The following NELL1 variants were observed in gnomAD, a reference collection of about 807,000 sequenced individuals.
NELL1 encodes protein kinase C-binding protein NELL1.
NELL1 carries 76 observed loss-of-function variants against 107.4 expected under a neutral mutation model. The ratio of observed to expected loss-of-function variants is 0.71; its 90% confidence interval spans 0.59 to 0.86. The LOEUF (loss-of-function observed/expected upper bound fraction) is 0.86. Ranked by LOEUF, NELL1 falls within the 40% of genes least tolerant of loss-of-function variation. The pLI is 0.00. For synonymous variants in NELL1, 353 were observed against 341.2 expected (o/e 1.03, Z -0.38); for missense variants, 1,024 against 1,005.5 (o/e 1.02, Z -0.25).
chr11:21,347,823 G>A (rs1273205054), intron 14 of NELL1, among the ~76,000 whole-genome samples: 1 of 152,178 alleles, frequency 6.6e-6, no homozygotes, highest in Non-Finnish European at 1.5e-5. Flanking sequence ...AGTCCTGGGA[G>A]CCAGTGGAAG....
chr11:21,520,958 C>T (rs1395407410), intron 15 of NELL1, among the ~76,000 whole-genome samples: 1 of 152,186 alleles, frequency 6.6e-6, no homozygotes, highest in East Asian at 1.9e-4. Flanking sequence ...ATATTTCTTT[C>T]AGTTCAATAG....
intron 12 of NELL1, among the ~76,000 whole-genome samples, chr11:21,025,801 TAACATGTCCCAA>T (rs1852801814): frequency 6.6e-6 from 1 of 152,162 alleles, no homozygotes; most frequent in African/African-American, 2.4e-5. Flanking sequence ...ATGCAAAATT[TAACATGTCCCAA>T]AATGAGCTCC....
chr11:21,266,645 G>T (rs549365607), intron 14 of NELL1, among the ~76,000 whole-genome samples: 1 of 151,904 alleles, frequency 6.6e-6, no homozygotes, highest in Non-Finnish European at 1.5e-5. Flanking sequence ...TCTTTTGACA[G>T]TTTAAATATT....
At chr11:20,680,873 G>A (rs1439996039) in intron 2 of NELL1, among the ~76,000 whole-genome samples, 2 of 152,024 alleles carry the variant, frequency 1.3e-5, no homozygotes, top group African/African-American at 4.8e-5. Flanking sequence ...AAATTGGCAG[G>A]GTTTCTGTTG....
At chr11:20,949,980 T>C (rs1423090605) in intron 11 of NELL1, among the ~76,000 whole-genome samples, 2 of 152,218 alleles carry the variant, frequency 1.3e-5, no homozygotes, top group African/African-American at 4.8e-5. Context: ...AGTTATTTTA[T>C]GCTCTTTGAC....
chr11:20,773,470 T>C (rs4922627), intron 2 of NELL1: 137,008 of 152,020 alleles, frequency 0.9, 63,519 homozygotes, highest in East Asian at 1. Context: ...GGTTATATAC[T>C]TGATAAGATG....
At chr11:21,230,844 A>G (rs1007193921) in intron 14 of NELL1, among the ~76,000 whole-genome samples, 1 of 152,274 alleles carries the variant, frequency 6.6e-6, no homozygotes, top group Non-Finnish European at 1.5e-5. Context: ...GACAAAATTT[A>G]TCAACATTCA....
Position 20,947,358 on chromosome 11 carries a change from C to G in NELL1, c.1094C>G (p.Thr365Arg), listed in dbSNP as rs1313444638. ...CAGGGTGGAGTTTTAGTAAAAATTA[C>G]AGAAATGTGTCCTCCTTTGAACTGC... Reference protein sequence around the residue: ...ECRGGVLVKITEMCPPLNCSE... With the variant: ...ECRGGVLVKIREMCPPLNCSE... Residue 365 changes from threonine (T) to arginine (R), a missense_variant, in exon 11 of 20, where the codon ACA (threonine) becomes AGA (arginine). By Grantham distance (71) the Thr-to-Arg change is moderately conservative. Coordinates refer to ENST00000357134, the MANE Select transcript of NELL1 (RefSeq NM_006157.5). 2 of 1,613,734 alleles carry G rather than the reference C, an allele frequency of 1.2e-6. No individual in the cohort carries two copies. Among genetic ancestry groups the G allele is most frequent in the Non-Finnish European group, 1.7e-6 (2 of 1,179,842 alleles).
chr11:21,485,939 C>G (rs1854619936), intron 15 of NELL1, among the ~76,000 whole-genome samples: 1 of 152,112 alleles, frequency 6.6e-6, no homozygotes, highest in African/African-American at 2.4e-5. Context: ...ACTGCCACAG[C>G]TAGTACCTAC....
intron 14 of NELL1, among the ~76,000 whole-genome samples, chr11:21,327,593 T>A (rs1850174843): frequency 6.6e-6 from 1 of 152,102 alleles, no homozygotes; most frequent in Non-Finnish European, 1.5e-5. Context: ...TACTGTGTAG[T>A]GGGGCACCAC....
chr11:20,797,544 C>T (rs1208243081), intron 3 of NELL1, among the ~76,000 whole-genome samples: 3 of 118,820 alleles, frequency 2.5e-5, no homozygotes, highest in African/African-American at 3.2e-5. Context: ...CCAGCCTGGG[C>T]GACAGAGCGA....
chr11:21,349,576 T>G (rs922643090), intron 14 of NELL1, among the ~76,000 whole-genome samples: 1 of 152,124 alleles, frequency 6.6e-6, no homozygotes, highest in African/African-American at 2.4e-5. Context: ...CAGAACTCAG[T>G]CTATTGTGTT....
rs1853199995 is a variant in NELL1, at chr11:21,040,360, A to G, written c.1301-73229A>G. 2.0e-5 allele frequency among the ~76,000 whole-genome samples: 3 copies of G among 152,152 alleles called. No homozygotes were observed. In the South Asian group the frequency reaches 6.2e-4, roughly 32 times the overall value. ...CTATTATATGTATGAGTTGATAAAC[A>G]TCTTTTTACTCATCTTTGTTTACAT... On this transcript the variant is annotated intron_variant, in intron 12 of 19. Transcript: ENST00000357134.
At chr11:21,216,405 C>G (rs529469512) in intron 13 of NELL1, among the ~76,000 whole-genome samples, 4 of 152,286 alleles carry the variant, frequency 2.6e-5, no homozygotes, top group East Asian at 1.9e-4. Flanking sequence ...GGCCACCATC[C>G]TTCAGATCCC....
At chr11:21,474,824 T>G (rs1006919490) in intron 15 of NELL1, among the ~76,000 whole-genome samples, 2 of 152,188 alleles carry the variant, frequency 1.3e-5, no homozygotes, top group African/African-American at 4.8e-5. Context: ...CTACACATAG[T>G]AATCATTAAT....
intron 15 of NELL1, among the ~76,000 whole-genome samples, chr11:21,410,881 G>C (rs1373362725): frequency 6.6e-6 from 1 of 152,028 alleles, no homozygotes; most frequent in African/African-American, 2.4e-5. Flanking sequence ...GGCAATTTAG[G>C]TGTGAAGGGA....
intron 5 of NELL1, among the ~76,000 whole-genome samples, chr11:20,917,054 T>C (rs1403452691): frequency 6.6e-6 from 1 of 152,008 alleles, no homozygotes; most frequent in Non-Finnish European, 1.5e-5. Flanking sequence ...GTTAATTTGC[T>C]TTGAAAGACT....
At chr11:20,696,111 G>A (rs889792264) in intron 2 of NELL1, among the ~76,000 whole-genome samples, 6 of 151,958 alleles carry the variant, frequency 3.9e-5, no homozygotes, top group Non-Finnish European at 8.8e-5. Flanking sequence ...GTATTTCTGG[G>A]GGATTGGTTG....
chr11:20,975,934 TATATGTGTACATATATGTACATTA>T lies in NELL1; in HGVS notation c.1300+15375_1300+15398del, dbSNP rs1374756134. On this transcript the variant is annotated intron_variant, in intron 12 of 19. Transcript: ENST00000357134. Reference sequence around the variant, plus strand: ...TTATATAAACACACATATATGTACATATATGTGTACATATATGTACATTATATATACATTATATATATTATATCT... The same window carrying T: ...TTATATAAACACACATATATGTACATTATATACATTATATATATTATATCT... Among the ~76,000 whole-genome samples the T allele has an allele frequency of 1.5e-3, 207 of 135,092 alleles. 2 individuals are homozygous for T. Among genetic ancestry groups the T allele is most frequent in the African/African-American group, 5.6e-3 (195 of 35,028 alleles). The allele number at this position is 135,092 out of a possible 152,430, so 88.6% of individuals were successfully genotyped here.
Sources: gnomAD v4.1 joint callset for allele counts (sites outside exome capture counted in the v4.1 genomes callset) on GRCh38, gnomAD v4.1.1 for gene constraint, MANE v1.5 for transcripts, NCBI Gene and HGNC (gene_info 2026-07-23, HGNC 2026-07-21) for gene names.